The following ZNF169 variants were observed in gnomAD, a reference collection of about 807,000 sequenced individuals.
ZNF169 encodes zinc finger protein 169.
ZNF169 carries 11 observed loss-of-function variants against 12.0 expected under a neutral mutation model. The observed-to-expected ratio is 0.92, with a 90% CI of 0.58 to 1.52. The LOEUF is 1.52. ZNF169 is among the 40% of genes most tolerant of loss of function. The pLI, the probability that ZNF169 is intolerant of heterozygous loss-of-function variation, is 0.00. For synonymous variants in ZNF169, 302 were observed against 286.5 expected, an observed-to-expected ratio of 1.05 and a Z score of -0.55; for missense variants, 722 against 744.0, an observed-to-expected ratio of 0.97 and a Z score of 0.34.
intron 2 of ZNF169, among the ~76,000 whole-genome samples, chr9:94,288,925 G>A (rs1302019217): frequency 2.0e-5 from 3 of 152,094 alleles, no homozygotes; most frequent in African/African-American, 7.2e-5. Context: ...AGACATACAG[G>A]GTAAATGTAG....
intron 4 of ZNF169, among the ~76,000 whole-genome samples, chr9:94,298,778 C>T (rs1311383758): frequency 9.3e-5 from 14 of 150,534 alleles, no homozygotes; most frequent in East Asian, 7.8e-4. Flanking sequence ...CTAGGAGTTA[C>T]GGTATCAACT....
At chr9:94,290,364 C>G (rs1391852686) in intron 2 of ZNF169, among the ~76,000 whole-genome samples, 2 of 152,138 alleles carry the variant, frequency 1.3e-5, no homozygotes, top group African/African-American at 4.8e-5. Flanking sequence ...TTTTCATTAT[C>G]CCAAATAGAA....
intron 1 of ZNF169, among the ~76,000 whole-genome samples, chr9:94,267,442 A>G (rs1026187460): frequency 2.0e-5 from 3 of 152,210 alleles, no homozygotes; most frequent in Non-Finnish European, 4.4e-5. Flanking sequence ...ACAAAAGAAA[A>G]CAGATTCTTA....
chr9:94,291,170 C>G (rs1259685533), intron 2 of ZNF169, among the ~76,000 whole-genome samples: 1 of 150,340 alleles, frequency 6.7e-6, no homozygotes, highest in African/African-American at 2.5e-5. Flanking sequence ...TTCTCTGCCT[C>G]AGCCTCCCAA....
At chr9:94,293,686 G>A (rs535890072) in intron 4 of ZNF169, 1 of 153,878 alleles carries the variant, frequency 6.5e-6, no homozygotes, top group South Asian at 2.0e-4. Context: ...TTCCCAAAGT[G>A]TTGGGATTAC....
chr9:94,296,285 A>T (rs1470020778), intron 4 of ZNF169, among the ~76,000 whole-genome samples: 1 of 152,188 alleles, frequency 6.6e-6, no homozygotes, highest in Non-Finnish European at 1.5e-5. Flanking sequence ...CCATTATCAG[A>T]TATATGATTT....
rs377711075 is a variant in ZNF169 at position 94,292,946 on chromosome 9, C to A, written c.161-28C>A. ...GCCTCTTAAGCCACTAACTCAAGAT[C>A]ACCTTGGTTTTTTTTTCCTGTGAGT... On this transcript the variant is annotated intron_variant, in intron 3 of 4. Transcript: ENST00000395395. The A allele has an allele frequency of 3.8e-6, 6 of 1,583,650 alleles. No homozygotes were observed. The African/African-American group carries it at 8.1e-5, about 21-fold the overall frequency.
chr9:94,276,218 G>A (rs1830515691), intron 1 of ZNF169, among the ~76,000 whole-genome samples: 1 of 151,998 alleles, frequency 6.6e-6, no homozygotes, highest in Non-Finnish European at 1.5e-5. Flanking sequence ...TTCCTCAATT[G>A]CCTCAAAAAT....
intron 2 of ZNF169, among the ~76,000 whole-genome samples, chr9:94,285,901 C>A (rs951214757): frequency 5.9e-5 from 9 of 151,998 alleles, no homozygotes; most frequent in African/African-American, 2.2e-4. Context: ...ATCCCAGCTG[C>A]TCAGGAGGCT....
intron 1 of ZNF169, among the ~76,000 whole-genome samples, chr9:94,272,077 A>G (rs1830434055): frequency 6.6e-6 from 1 of 152,152 alleles, no homozygotes; most frequent in African/African-American, 2.4e-5. Flanking sequence ...GAATTTGTTC[A>G]TTTCACGAAT....
Position 94,301,115 on chromosome 9 carries a change from T to C in ZNF169, c.1557T>C (p.Cys519=). Residue 519 remains cysteine (C), a synonymous_variant, in exon 5 of 5, where the codon TGT becomes TGC. Transcript: ENST00000395395. The part of the protein sequence containing the change: ...SEEELYVDRV[C]GQGLGQKSHL... ...AGGAGCTTTACGTAGACAGGGTGTGTGGACAAGGACTTGGCCAGAAGTCAC... is the reference window on the plus strand; with the variant it reads ...AGGAGCTTTACGTAGACAGGGTGTGCGGACAAGGACTTGGCCAGAAGTCAC... 6.2e-7 allele frequency: 1 copy of C among 1,614,098 alleles called. No individual in the cohort carries two copies.
At chr9:94,270,641 A>G (rs1830371484) in intron 1 of ZNF169, among the ~76,000 whole-genome samples, 1 of 121,114 alleles carries the variant, frequency 8.3e-6, no homozygotes, top group African/African-American at 3.0e-5. Flanking sequence ...ATATAAATAT[A>G]AAAATAAATA....
At chr9:94,299,380 C>T (rs527731907) in intron 4 of ZNF169, 12 of 487,492 alleles carry the variant, frequency 2.5e-5, no homozygotes, top group Admixed American at 1.2e-4. Context: ...AGCATGGCTC[C>T]CCTTCAGATG....
chr9:94,283,523 T>C (rs145104273), intron 2 of ZNF169, among the ~76,000 whole-genome samples: 6 of 152,312 alleles, frequency 3.9e-5, no homozygotes, highest in African/African-American at 1.2e-4. Flanking sequence ...TGGAATCTTG[T>C]CAAAACTGGA....
In ZNF169 at chr9:94,278,805, G is replaced by GCAGGGATATGTCA; in HGVS notation, c.-6_7dup. ...TCCTCTAGGAAGAGTACTCCAGAGA[G>GCAGGGATATGTCA]CAGGGATATGTCACCAGGACTCCTG... On this transcript the variant is annotated 5_prime_UTR_variant, in exon 2 of 5. It adds an upstream start codon to the 5' untranslated region. Transcript: ENST00000395395. 1.2e-6 allele frequency: 2 copies of GCAGGGATATGTCA among 1,613,914 alleles called. No homozygotes were observed. Among genetic ancestry groups the GCAGGGATATGTCA allele is most frequent in the Non-Finnish European group, 1.7e-6 (2 of 1,179,954 alleles).
chr9:94,269,118 A>C lies in ZNF169; in HGVS notation c.-55-9640A>C, dbSNP rs893421082. On this transcript the variant is annotated intron_variant, in intron 1 of 4. Transcript: ENST00000395395. ...GAGGCCTCTCAGCAGGAATGAACCC[A>C]ATACCTCCCATTATCAAGTTTACAT... is the stretch of plus-strand genomic sequence containing the variant. Among the ~76,000 whole-genome samples, 4 of 152,154 alleles carry C rather than the reference A, an allele frequency of 2.6e-5. No individual in the cohort carries two copies. The South Asian group carries it at 6.2e-4, about 24-fold the overall frequency.
At position 94,260,464 on chromosome 9, in the gene ZNF169, C is replaced by G. The variant is rs138774528; in HGVS notation, c.-56+1119C>G. 4.7e-3 allele frequency among the ~76,000 whole-genome samples: 639 copies of G among 135,802 alleles called. 4 individuals are homozygous for G. The highest frequency in any genetic ancestry group is 0.018 in the African/African-American group (617 of 33,522). The allele number at this position is 135,802 out of a possible 152,430, so 89.1% of individuals were successfully genotyped here. On this transcript the variant is annotated intron_variant, in intron 1 of 4. Transcript: ENST00000395395. ...GGGAGGATTGTTTGTGGGTAGACAT[C>G]CAGACTTGGTCTTGATAGTGGGGGG...
chr9:94,270,124 T>G (rs1271651610), intron 1 of ZNF169, among the ~76,000 whole-genome samples: 1 of 152,200 alleles, frequency 6.6e-6, no homozygotes, highest in Non-Finnish European at 1.5e-5. Flanking sequence ...TGGGCTTTTG[T>G]TACATCCCAG....
intron 1 of ZNF169, 29 bp from the exon 2 acceptor site, chr9:94,278,729 C>G: frequency 1.4e-4 from 176 of 1,274,854 alleles, no homozygotes; most frequent in Non-Finnish European, 1.9e-4. Context: ...TTCCCAAGTA[C>G]CTCTCTCACT....
Sources: allele counts gnomAD v4.1 joint callset (sites outside exome capture counted in the v4.1 genomes callset), GRCh38; gene constraint gnomAD v4.1.1; transcripts MANE v1.5; gene names NCBI Gene and HGNC (gene_info 2026-07-23, HGNC 2026-07-21).